RABGAP1L: variants seen among roughly 807,000 people sequenced by gnomAD.
RABGAP1L encodes rab GTPase-activating protein 1-like.
Under a neutral mutation model 137.7 loss-of-function variants are expected in RABGAP1L, and 63 were observed. The observed-to-expected ratio is 0.46, with a 90% CI of 0.37 to 0.56. RABGAP1L has a LOEUF of 0.56. RABGAP1L is among the 20% of genes least tolerant of loss of function. RABGAP1L has a pLI of 0.00. For missense variants in RABGAP1L, 1,095 were observed against 1,244.0 expected, an observed-to-expected ratio of 0.88 and a Z score of 1.80; for synonymous variants, 431 against 433.7, an observed-to-expected ratio of 0.99 and a Z score of 0.08.
chr1:174,543,225 G>A (rs1665644955), intron 13 of RABGAP1L, among the ~76,000 whole-genome samples: 1 of 152,184 alleles, frequency 6.6e-6, no homozygotes, highest in African/African-American at 2.4e-5. Flanking sequence ...TTGTGTGGGA[G>A]TCTAAGTCTC....
intron 18 of RABGAP1L, among the ~76,000 whole-genome samples, chr1:174,790,329 G>C (rs1184929986): frequency 3.3e-5 from 5 of 152,134 alleles, no homozygotes; most frequent in Non-Finnish European, 5.9e-5. Flanking sequence ...GATAGTAAGA[G>C]AGAAGGCCTC....
chr1:174,760,381 C>T (rs1233172540), intron 18 of RABGAP1L, among the ~76,000 whole-genome samples: 3 of 152,096 alleles, frequency 2.0e-5, no homozygotes, highest in Middle Eastern at 3.2e-3. Flanking sequence ...TTTGTGTCCA[C>T]GTGTACTCAA....
chr1:174,343,483 A>G (rs891717284), intron 11 of RABGAP1L, among the ~76,000 whole-genome samples: 1 of 152,314 alleles, frequency 6.6e-6, no homozygotes, highest in South Asian at 2.1e-4. Context: ...TCTAGTTCAC[A>G]ATAAATATCT....
intron 10 of RABGAP1L, among the ~76,000 whole-genome samples, chr1:174,279,869 T>C (rs1675342180): frequency 6.6e-6 from 1 of 152,146 alleles, no homozygotes; most frequent in African/African-American, 2.4e-5. Context: ...CCAATAATTC[T>C]TCATTTTGAG....
At chr1:174,932,248 CTTTG>C (rs1159156426) in intron 19 of RABGAP1L, among the ~76,000 whole-genome samples, 2 of 149,260 alleles carry the variant, frequency 1.3e-5, no homozygotes, top group Non-Finnish European at 3.0e-5. Flanking sequence ...TTTAATACTT[CTTTG>C]TTTTTTTTTT....
intron 13 of RABGAP1L, among the ~76,000 whole-genome samples, chr1:174,550,553 T>G (rs1021580061): frequency 1.3e-5 from 2 of 152,076 alleles, no homozygotes; most frequent in Non-Finnish European, 2.9e-5. Flanking sequence ...TCATTAAAAA[T>G]TCAATGGACA....
intron 14 of RABGAP1L, among the ~76,000 whole-genome samples, chr1:174,651,795 C>T (rs934215503): frequency 1.3e-4 from 20 of 152,170 alleles, no homozygotes; most frequent in Non-Finnish European, 2.6e-4. Context: ...ATCCAATTTG[C>T]AAGTCTGTGT....
chr1:174,564,914 A>G (rs1667469120), intron 13 of RABGAP1L, among the ~76,000 whole-genome samples: 1 of 151,616 alleles, frequency 6.6e-6, no homozygotes, highest in Non-Finnish European at 1.5e-5. Flanking sequence ...CAAATACAAT[A>G]CAACTCCCCC....
At chr1:174,624,269 AC>A (rs1434235707) in intron 13 of RABGAP1L, among the ~76,000 whole-genome samples, 6 of 152,098 alleles carry the variant, frequency 3.9e-5, no homozygotes, top group Non-Finnish European at 7.4e-5. Flanking sequence ...GGCCACTTTC[AC>A]CACTTTACCA....
At chr1:174,881,492 C>CTTTTTTTTTTTTTTTTTTTTTTT (rs751296977) in intron 19 of RABGAP1L, among the ~76,000 whole-genome samples, 1 of 85,864 alleles carries the variant, frequency 1.2e-5, no homozygotes, top group Non-Finnish European at 2.1e-5. Flanking sequence ...ATATCATTTG[C>CTTTTTTTTTTTTTTTTTTTTTTT]TTTTTTTTTT....
At chr1:174,712,087 AGC>A (rs1452113410) in intron 17 of RABGAP1L, among the ~76,000 whole-genome samples, 1 of 152,208 alleles carries the variant, frequency 6.6e-6, no homozygotes, top group Non-Finnish European at 1.5e-5. Context: ...CACGCCAGTC[AGC>A]ACCCTGTCAA....
chr1:174,606,851 CTTAA>C (rs1424415686), intron 13 of RABGAP1L, among the ~76,000 whole-genome samples: 4 of 152,052 alleles, frequency 2.6e-5, no homozygotes, highest in South Asian at 2.1e-4. Flanking sequence ...ATTTTTGCCT[CTTAA>C]TTAAATAAAT....
At chr1:174,801,538 A>C (rs1166273031) in intron 18 of RABGAP1L, among the ~76,000 whole-genome samples, 1 of 152,238 alleles carries the variant, frequency 6.6e-6, no homozygotes, top group Non-Finnish European at 1.5e-5. Context: ...GTAAATAAGA[A>C]ATTTCCCATC....
At chr1:174,497,300 G>A (rs1278895143) in intron 13 of RABGAP1L, among the ~76,000 whole-genome samples, 1 of 152,150 alleles carries the variant, frequency 6.6e-6, no homozygotes, top group Non-Finnish European at 1.5e-5. Flanking sequence ...ATTAGTGAGT[G>A]TTTATTATGT....
chr1:174,365,753 T>C (rs571745378), intron 11 of RABGAP1L, among the ~76,000 whole-genome samples: 12 of 152,334 alleles, frequency 7.9e-5, no homozygotes, highest in Non-Finnish European at 1.6e-4. Flanking sequence ...TGTCTCTCCA[T>C]CCTTCCTCAA....
chr1:174,991,376 G>C lies in RABGAP1L; in HGVS notation c.*1375G>C, dbSNP rs1672041085. On this transcript the variant is annotated 3_prime_UTR_variant, in exon 26 of 26. Coordinates refer to ENST00000681986, the MANE Select transcript of RABGAP1L (RefSeq NM_001366446.1). ...GGCCTCATTGTTGAACATATTATTTGCAAAGAATCTTAAACTCTGTAGTGC... is the reference window on the plus strand; with the variant it reads ...GGCCTCATTGTTGAACATATTATTTCCAAAGAATCTTAAACTCTGTAGTGC... 1.3e-5 allele frequency: 2 copies of C among 152,110 alleles called. No homozygotes were observed. The highest frequency in any genetic ancestry group is 4.1e-4 in the South Asian group (2 of 4,828). The allele number at this position is 152,110 out of a possible 1,614,324, so 9.4% of individuals were successfully genotyped here.
chr1:174,402,827 A>G (rs193259013), intron 13 of RABGAP1L, among the ~76,000 whole-genome samples: 11 of 152,294 alleles, frequency 7.2e-5, no homozygotes, highest in South Asian at 2.1e-4. Flanking sequence ...AGGACCCACT[A>G]AGCAATGATC....
intron 11 of RABGAP1L, among the ~76,000 whole-genome samples, chr1:174,338,979 T>C (rs1681725585): frequency 6.6e-6 from 1 of 152,156 alleles, no homozygotes; most frequent in Non-Finnish European, 1.5e-5. Flanking sequence ...AGCATATTTG[T>C]GAATAGATTT....
At chr1:174,637,696 G>A (rs1026229119) in intron 14 of RABGAP1L, among the ~76,000 whole-genome samples, 3 of 152,246 alleles carry the variant, frequency 2.0e-5, no homozygotes, top group Admixed American at 6.5e-5. Context: ...GGGAGGAGGC[G>A]CAGCATAGCC....
Sources: allele counts gnomAD v4.1 joint callset (sites outside exome capture counted in the v4.1 genomes callset), GRCh38; gene constraint gnomAD v4.1.1; transcripts MANE v1.5; gene names NCBI Gene and HGNC (gene_info 2026-07-23, HGNC 2026-07-21).